VAT1L: variants seen among roughly 807,000 people sequenced by gnomAD.
VAT1L encodes the protein vesicle amine transport 1 like.
In VAT1L, 34 loss-of-function variants were observed where a neutral mutation model predicts 44.1. That is an observed-to-expected ratio of 0.77 (90% confidence interval 0.59 to 1.03). VAT1L has a LOEUF of 1.03. VAT1L is among the 50% of genes least tolerant of loss of function. The pLI is 0.00. For synonymous variants in VAT1L, 253 were observed against 202.2 expected, an observed-to-expected ratio of 1.25 and a Z score of -2.13; for missense variants, 615 against 538.8, an observed-to-expected ratio of 1.14 and a Z score of -1.40.
intron 6 of VAT1L, among the ~76,000 whole-genome samples, chr16:77,880,132 C>T (rs2098576174): frequency 6.6e-6 from 1 of 152,144 alleles, no homozygotes; most frequent in African/African-American, 2.4e-5. Context: ...CTATCTGGAG[C>T]TATACTTGCT....
intron 1 of VAT1L, among the ~76,000 whole-genome samples, chr16:77,802,669 CT>C (rs141859340): frequency 0.011 from 1,403 of 131,700 alleles, 17 homozygotes; most frequent in South Asian, 0.014. Flanking sequence ...CACACACACA[CT>C]AAAGTTGCAT....
intron 4 of VAT1L, among the ~76,000 whole-genome samples, chr16:77,870,935 T>C (rs1341747886): frequency 6.6e-6 from 1 of 152,156 alleles, no homozygotes; most frequent in African/African-American, 2.4e-5. Flanking sequence ...TGGGTGTAAC[T>C]GAGGCAGGGT....
chr16:77,872,698 G>A (rs141726365), intron 4 of VAT1L, among the ~76,000 whole-genome samples: 1 of 152,272 alleles, frequency 6.6e-6, no homozygotes, highest in East Asian at 1.9e-4. Context: ...CCTCAACAGA[G>A]GGTCATCTTC....
intron 1 of VAT1L, among the ~76,000 whole-genome samples, chr16:77,789,922 A>G (rs1284943409): frequency 6.6e-6 from 1 of 152,114 alleles, no homozygotes; most frequent in East Asian, 1.9e-4. Context: ...ACCCAACACT[A>G]GGTTTGCATG....
At chr16:77,897,062 C>G (rs1028923799) in intron 7 of VAT1L, among the ~76,000 whole-genome samples, 1 of 152,162 alleles carries the variant, frequency 6.6e-6, no homozygotes, top group African/African-American at 2.4e-5. Flanking sequence ...CAAGATTTTT[C>G]CAAGATATCT....
At chr16:77,893,748 A>G (rs1311011091) in intron 7 of VAT1L, among the ~76,000 whole-genome samples, 2 of 152,210 alleles carry the variant, frequency 1.3e-5, no homozygotes, top group Admixed American at 6.5e-5. Context: ...ATGAGGCTCT[A>G]GAGAGATTAT....
chr16:77,933,057 G>T (rs534342307), intron 7 of VAT1L, among the ~76,000 whole-genome samples: 2 of 152,226 alleles, frequency 1.3e-5, no homozygotes, highest in African/African-American at 4.8e-5. Context: ...GAGTGTTTAG[G>T]AAAAAGAGAA....
chr16:77,852,957 AG>A (rs2016822331), intron 3 of VAT1L, among the ~76,000 whole-genome samples: 2 of 152,196 alleles, frequency 1.3e-5, no homozygotes, highest in South Asian at 4.1e-4. Context: ...TATTATTTAC[AG>A]GGTATGTTGA....
chr16:77,864,137 C>G (rs1030420441), intron 4 of VAT1L, among the ~76,000 whole-genome samples: 1 of 152,140 alleles, frequency 6.6e-6, no homozygotes, highest in African/African-American at 2.4e-5. Context: ...GTGTGTCTCA[C>G]TCTGGCTATT....
intron 7 of VAT1L, among the ~76,000 whole-genome samples, chr16:77,948,487 T>G (rs1378376443): frequency 6.6e-6 from 1 of 152,170 alleles, no homozygotes; most frequent in East Asian, 1.9e-4. Context: ...GTCGTTATAG[T>G]TGTCATTTGG....
intron 3 of VAT1L, among the ~76,000 whole-genome samples, chr16:77,856,087 G>A (rs926600120): frequency 6.6e-6 from 1 of 152,110 alleles, no homozygotes; most frequent in Non-Finnish European, 1.5e-5. Flanking sequence ...TAACAGAGAG[G>A]CTGAGATTCA....
intron 7 of VAT1L, among the ~76,000 whole-genome samples, chr16:77,949,063 G>C (rs2018007701): frequency 6.6e-6 from 1 of 152,162 alleles, no homozygotes; most frequent in Non-Finnish European, 1.5e-5. Flanking sequence ...CAGTAATCAT[G>C]ACTGTGGCAG....
intron 7 of VAT1L, among the ~76,000 whole-genome samples, chr16:77,965,954 A>T (rs2142539447): frequency 6.6e-6 from 1 of 152,290 alleles, no homozygotes; most frequent in Middle Eastern, 3.4e-3. Flanking sequence ...GAGCTATGGG[A>T]GGCCAATGAG....
At position 77,877,819 on chromosome 16, in the gene VAT1L, A is replaced by T. The variant is rs374726251; in HGVS notation, c.826+1346A>T. On this transcript the variant is annotated intron_variant, in intron 5 of 8. Coordinates refer to ENST00000302536, the MANE Select transcript of VAT1L (RefSeq NM_020927.3). ...ACCATTGTAACAGAAAGAAGGCTGA[A>T]CTCACCAGAGGCAGGTAAACATCCC... Among the ~76,000 whole-genome samples the T allele has an allele frequency of 4.6e-5, 7 of 152,202 alleles. No homozygotes were observed. The East Asian group carries it at 7.7e-4, about 17-fold the overall frequency.
intron 3 of VAT1L, among the ~76,000 whole-genome samples, chr16:77,849,703 T>C (rs939163789): frequency 6.6e-6 from 1 of 152,116 alleles, no homozygotes; most frequent in Non-Finnish European, 1.5e-5. Flanking sequence ...AACATCCCAG[T>C]AGGAATTTCT....
Position 77,876,406 on chromosome 16 carries a change from C to T in VAT1L, c.759C>T (p.Cys253=). 1 of 1,614,176 alleles carries T rather than the reference C, an allele frequency of 6.2e-7. No individual in the cohort carries two copies. The highest frequency in any genetic ancestry group is 8.5e-7 in the Non-Finnish European group (1 of 1,180,026). ...SAEGVDIVLD[C]LCGDNTGKGL... ...AAGGTGTGGACATCGTTTTGGATTGCCTCTGTGGGGACAACACTGGAAAAG... is the reference window on the plus strand; with the variant it reads ...AAGGTGTGGACATCGTTTTGGATTGTCTCTGTGGGGACAACACTGGAAAAG... The change falls in exon 5 of 9, where the codon TGC becomes TGT. Residue 253 remains cysteine (C), a synonymous_variant. Transcript: ENST00000302536.
chr16:77,936,725 C>T (rs923958236), intron 7 of VAT1L, among the ~76,000 whole-genome samples: 1 of 152,066 alleles, frequency 6.6e-6, no homozygotes, highest in Non-Finnish European at 1.5e-5. Flanking sequence ...CTGCAAACAG[C>T]ATTAGTTACT....
At chr16:77,805,201 T>A (rs1197159511) in intron 1 of VAT1L, among the ~76,000 whole-genome samples, 3 of 152,168 alleles carry the variant, frequency 2.0e-5, no homozygotes, top group African/African-American at 2.4e-5. Context: ...AGAGCTGCCA[T>A]CTGAGATTTG....
At chr16:77,954,339 A>C (rs1381249315) in intron 7 of VAT1L, among the ~76,000 whole-genome samples, 2 of 152,172 alleles carry the variant, frequency 1.3e-5, no homozygotes, top group African/African-American at 2.4e-5. Context: ...AAAAAGTGGA[A>C]TGTCAGGCCG....
Sources: allele counts gnomAD v4.1 joint callset (sites outside exome capture counted in the v4.1 genomes callset), GRCh38; gene constraint gnomAD v4.1.1; transcripts MANE v1.5; gene names NCBI Gene and HGNC (gene_info 2026-07-23, HGNC 2026-07-21).